TMC3: variants seen among roughly 807,000 people sequenced by gnomAD.
TMC3 encodes the protein transmembrane channel like 3.
Under a neutral mutation model 110.6 loss-of-function variants are expected in TMC3, and 98 were observed. The ratio of observed to expected loss-of-function variants is 0.89; its 90% CI spans 0.75 to 1.05. The LOEUF is 1.05. Among genes scored for constraint, TMC3 ranks in the 50% least tolerant of loss-of-function variants. The probability of loss-of-function intolerance (pLI) is 0.00; values close to 1 mark genes in which losing one functional copy is unlikely to be tolerated. For missense variants in TMC3, 1,319 were observed against 1,373.2 expected, an observed-to-expected ratio of 0.96 and a Z score of 0.62; for synonymous variants, 489 against 513.1, an observed-to-expected ratio of 0.95 and a Z score of 0.63.
intron 12 of TMC3, among the ~76,000 whole-genome samples, chr15:81,345,723 A>T (rs1003284816): frequency 5.3e-5 from 8 of 152,070 alleles, no homozygotes; most frequent in African/African-American, 7.2e-5. Flanking sequence ...TACAAAAAAA[A>T]ATAGCCAGAT....
At chr15:81,361,544 C>T (rs557334351) in intron 4 of TMC3, among the ~76,000 whole-genome samples, 12 of 152,104 alleles carry the variant, frequency 7.9e-5, no homozygotes, top group African/African-American at 2.7e-4. Context: ...TTTTATTAAT[C>T]TCTTGGATAT....
Position 81,340,220 on chromosome 15 carries a change from CTCTG to C in TMC3, c.1845-720_1845-717del, listed in dbSNP as rs1484171276. On this transcript the variant is annotated intron_variant, in intron 16 of 21. Transcript: ENST00000359440. ...GGTCTGTTTCTCTGTCTCTCTCTGT[CTCTG>C]TCTCTCTCTCTCTCTCTCTCTCTCT... 8.5e-3 allele frequency among the ~76,000 whole-genome samples: 1,010 copies of C among 119,472 alleles called. 17 individuals carry two copies. The highest frequency in any genetic ancestry group is 0.044 in the African/African-American group (953 of 21,676). 78.4% of individuals were successfully genotyped at this position (119,472 alleles called of 152,430 possible). A position where few individuals can be genotyped will look rare whatever the true frequency, so the allele number is the denominator to read the frequency against.
intron 10 of TMC3, among the ~76,000 whole-genome samples, chr15:81,350,735 G>A (rs1410483106): frequency 6.6e-6 from 1 of 152,198 alleles, no homozygotes; most frequent in Non-Finnish European, 1.5e-5. Context: ...AATGGTCAGA[G>A]AGGTGGTTTT....
chr15:81,367,733 A>G (rs1044757779), intron 3 of TMC3, among the ~76,000 whole-genome samples: 5 of 152,150 alleles, frequency 3.3e-5, no homozygotes, highest in Non-Finnish European at 5.9e-5. Context: ...ACCCAGTTTC[A>G]CACAATTGGG....
At position 81,358,153 on chromosome 15, in the gene TMC3, T is replaced by C; in HGVS notation, c.739A>G (p.Lys247Glu). ...TGAGAAATTGAGCAGTCATACTTTT[T>C]TAAAAGAATGATGAAGCTGTAAGCA... ...VFAYSFIILL[K>E]KMAKNSRTSL... is the part of the protein sequence containing the mutation. The change falls in exon 7 of 22, where the codon AAA becomes GAA. Residue 247 changes from lysine (K) to glutamate (E), a missense_variant. Physicochemically the swap from Lys to Glu is moderately conservative, Grantham distance 56. Transcript: ENST00000359440. The C allele has an allele frequency of 6.3e-7, 1 of 1,592,512 alleles. No homozygotes were observed. Among genetic ancestry groups the C allele is most frequent in the Non-Finnish European group, 8.5e-7 (1 of 1,171,452 alleles).
At chr15:81,372,858 T>C in intron 1 of TMC3, 121 bp from the exon 2 acceptor site, 1 of 941,830 alleles carries the variant, frequency 1.1e-6, no homozygotes, top group Non-Finnish European at 1.6e-6. Flanking sequence ...ATGAAATGTG[T>C]ATGTGTTTGT....
chr15:81,352,845 A>G (rs1397706040), intron 9 of TMC3, among the ~76,000 whole-genome samples: 1 of 152,086 alleles, frequency 6.6e-6, no homozygotes, highest in Non-Finnish European at 1.5e-5. Flanking sequence ...TTGAGATGGC[A>G]TTTTGCTCTT....
rs1567072146 is a variant in TMC3, at chr15:81,372,720, AAGCTGTC to A, written c.100_106del (p.Asp34LeufsTer40). On this transcript the variant is annotated frameshift_variant, in exon 2 of 22. Coordinates refer to ENST00000359440, the MANE Select transcript of TMC3 (RefSeq NM_001080532.3). LOFTEE classifies it high-confidence loss of function. ...GCTGTCCCCTGTTTCATCAGCACTA[AAGCTGTC>A]ATCCAAGTTGCTGAATGATCAGGGC... The A allele has an allele frequency of 6.2e-7, 1 of 1,613,966 alleles. No homozygotes were observed. The highest frequency in any genetic ancestry group is 8.5e-7 in the Non-Finnish European group (1 of 1,179,872).
chr15:81,336,729 A>T, intron 19 of TMC3, 78 bp from the exon 20 acceptor site: 11 of 1,448,956 alleles, frequency 7.6e-6, no homozygotes, highest in Non-Finnish European at 1.1e-5. Flanking sequence ...GGGGAAGAGA[A>T]AAAGATTTAC....
chr15:81,344,013 G>T lies in TMC3; in HGVS notation c.1551C>A (p.Leu517=). Residue 517 remains leucine (L), a synonymous_variant, in exon 14 of 22, where the codon CTC becomes CTA. Transcript: ENST00000359440. ...TGAGCAGAATGCTCGCCACGGTGAA[G>T]AGCATGTCAATGATGGAGAGCTTCA... The part of the protein sequence containing the change: ...EMLKLSIIDM[L]FTVASILLID... 2 of 1,612,358 alleles carry T rather than the reference G, an allele frequency of 1.2e-6. No individual in the cohort carries two copies. Among genetic ancestry groups the T allele is most frequent in the South Asian group, 2.2e-5 (2 of 91,012 alleles).
rs757049927 is a variant in TMC3 at position 81,339,495 on chromosome 15, G to T, written c.1854C>A (p.Asn618Lys). Reference protein sequence around the residue: ...QQVFRASRSNNFYLAMLLFML... With the variant: ...QQVFRASRSNKFYLAMLLFML... ...TAAACAGGAGCATTGCCAAGTAGAA[G>T]TTGTTGGATCTGCAGATAAATCAGA... The change falls in exon 17 of 22, where the codon AAC becomes AAA. Residue 618 changes from asparagine to lysine, a missense_variant. Physicochemically the swap from Asn to Lys is moderately conservative, Grantham distance 94 (BLOSUM62 0). Coordinates refer to ENST00000359440, the MANE Select transcript of TMC3 (RefSeq NM_001080532.3). The T allele has an allele frequency of 6.3e-7, 1 of 1,599,620 alleles. No homozygotes were observed. The highest frequency in any genetic ancestry group is 1.1e-5 in the South Asian group (1 of 88,300).
At chr15:81,340,208 GTCTCTCTCTGTCTCTGTCTCTC>G (rs1489727052) in intron 16 of TMC3, among the ~76,000 whole-genome samples, 25 of 131,468 alleles carry the variant, frequency 1.9e-4, no homozygotes, top group African/African-American at 8.7e-4. Flanking sequence ...CTGTTTCTCT[GTCTCTCTCTGTCTCTGTCTCTC>G]TCTCTCTCTC....
chr15:81,339,507 G>A lies in TMC3; in HGVS notation c.1845-3C>T, dbSNP rs1312148246. On this transcript the variant is annotated splice_region_variant and splice_polypyrimidine_tract_variant and intron_variant, in intron 16 of 21. Coordinates refer to ENST00000359440, the MANE Select transcript of TMC3 (RefSeq NM_001080532.3). ...TTGCCAAGTAGAAGTTGTTGGATCT[G>A]CAGATAAATCAGATGTCATGTGTTA... 1 of 1,588,074 alleles carries A rather than the reference G, an allele frequency of 6.3e-7. No homozygotes were observed. Among genetic ancestry groups the A allele is most frequent in the South Asian group, 1.1e-5 (1 of 87,106 alleles).
At chr15:81,367,957 G>A (rs1469006165) in intron 3 of TMC3, among the ~76,000 whole-genome samples, 1 of 151,978 alleles carries the variant, frequency 6.6e-6, no homozygotes, top group African/African-American at 2.4e-5. Context: ...TTTTTTGAGA[G>A]GGAGTCTCAC....
chr15:81,352,403 AT>A (rs1249337619), intron 9 of TMC3, among the ~76,000 whole-genome samples: 1 of 152,220 alleles, frequency 6.6e-6, no homozygotes, highest in African/African-American at 2.4e-5. Flanking sequence ...GGCCTAGGAC[AT>A]TGTAGCATGA....
At position 81,332,468 on chromosome 15, in the gene TMC3, C is replaced by G; in HGVS notation, c.3254G>C (p.Gly1085Ala). ...GQPSRRKAKSGQELTVDLDDL... is the reference protein window; with the variant it reads ...GQPSRRKAKSAQELTVDLDDL... ...ATCCAGATCCACGGTCAGCTCCTGCCCCGACTTGGCCTTCCTCCTGCTGGG... is the reference window on the plus strand; with the variant it reads ...ATCCAGATCCACGGTCAGCTCCTGCGCCGACTTGGCCTTCCTCCTGCTGGG... The change falls in exon 22 of 22, where the codon GGG becomes GCG. Residue 1085 changes from glycine to alanine, a missense_variant. Coordinates refer to ENST00000359440, the MANE Select transcript of TMC3 (RefSeq NM_001080532.3). 6 of 1,612,398 alleles carry G rather than the reference C, an allele frequency of 3.7e-6. No homozygotes were observed. The highest frequency in any genetic ancestry group is 5.1e-6 in the Non-Finnish European group (6 of 1,179,288).
At chr15:81,356,408 C>A in intron 8 of TMC3, 39 bp downstream of exon 8, 2 of 1,545,768 alleles carry the variant, frequency 1.3e-6, no homozygotes, top group Non-Finnish European at 1.7e-6. Context: ...TGACCCTGAG[C>A]TGCCCACCCC....
At chr15:81,364,491 A>G (rs1894260610) in intron 3 of TMC3, among the ~76,000 whole-genome samples, 1 of 138,220 alleles carries the variant, frequency 7.2e-6, no homozygotes, top group African/African-American at 2.7e-5. Flanking sequence ...ATGAGATCAC[A>G]TGGACACAGG....
At chr15:81,371,980 CATAG>C (rs1472800915) in intron 2 of TMC3, among the ~76,000 whole-genome samples, 2 of 152,040 alleles carry the variant, frequency 1.3e-5, no homozygotes, top group East Asian at 1.9e-4. Flanking sequence ...ATTAATATCA[CATAG>C]ATAGAAATTG....
Sources: allele counts gnomAD v4.1 joint callset (sites outside exome capture counted in the v4.1 genomes callset), GRCh38; gene constraint gnomAD v4.1.1; transcripts MANE v1.5; gene names NCBI Gene and HGNC (gene_info 2026-07-23, HGNC 2026-07-21).